Variants in SLCO1B3 observed in about 807,000 individuals in gnomAD.
The protein encoded by SLCO1B3 is liver-specific organic anion transporter 2.
Under a neutral mutation model 71.8 loss-of-function variants are expected in SLCO1B3, and 72 were observed. The ratio of observed to expected loss-of-function variants is 1.00; its 90% confidence interval spans 0.83 to 1.22. The LOEUF is 1.22. Among genes scored for constraint, SLCO1B3 ranks in the 50% most tolerant of loss-of-function variants. The probability of loss-of-function intolerance (pLI) is 0.00; values close to 1 mark genes in which losing one functional copy is unlikely to be tolerated. For synonymous variants in SLCO1B3, 298 were observed against 278.4 expected, an observed-to-expected ratio of 1.07 and a Z score of -0.70; for missense variants, 911 against 819.7, an observed-to-expected ratio of 1.11 and a Z score of -1.36.
intron 3 of SLCO1B3, among the ~76,000 whole-genome samples, chr12:20,816,455 T>A (rs1864195824): frequency 6.6e-6 from 1 of 152,182 alleles, no homozygotes; most frequent in Admixed American, 6.5e-5. Context: ...GAACATGCAA[T>A]GTTTGTCTTT....
chr12:20,847,456 T>C (rs1864941169), intron 3 of SLCO1B3, among the ~76,000 whole-genome samples: 1 of 152,156 alleles, frequency 6.6e-6, no homozygotes, highest in African/African-American at 2.4e-5. Context: ...AGAAGCTAGC[T>C]GTCTTCAACC....
At chr12:20,907,818 C>T (rs1017537661) in intron 15 of SLCO1B3, among the ~76,000 whole-genome samples, 21 of 152,026 alleles carry the variant, frequency 1.4e-4, no homozygotes, top group African/African-American at 4.6e-4. Context: ...TGGGAGATTT[C>T]ATTTCTATTT....
chr12:20,897,077 G>T (rs1866024087), intron 13 of SLCO1B3, among the ~76,000 whole-genome samples: 1 of 152,166 alleles, frequency 6.6e-6, no homozygotes, highest in Non-Finnish European at 1.5e-5. Context: ...GGTATTATGT[G>T]AGTAAAATTC....
intron 3 of SLCO1B3, among the ~76,000 whole-genome samples, chr12:20,816,901 G>A (rs555758769): frequency 4.7e-4 from 72 of 152,198 alleles, no homozygotes; most frequent in African/African-American, 1.7e-3. Context: ...TTTAACTGGG[G>A]GTGAGATAGC....
In SLCO1B3 at chr12:20,916,011, T is replaced by G; in HGVS notation, c.1873T>G (p.Tyr625Asp). The G allele has an allele frequency of 6.2e-7, 1 of 1,600,514 alleles. No individual in the cohort carries two copies. Among genetic ancestry groups the G allele is most frequent in the Non-Finnish European group, 8.5e-7 (1 of 1,170,552 alleles). ...TATTTTCTCTTTTCACAGAAGGGTC[T>G]ACTTGGGCTTATCTATAGCTTTAAG... ...IYNSVFFGRV[Y>D]LGLSIALRFP... The change falls in exon 16 of 16, where the codon TAC (tyrosine) becomes GAC (aspartate). Residue 625 changes from tyrosine (Y) to aspartate (D), a missense_variant. Coordinates refer to ENST00000381545, the MANE Select transcript of SLCO1B3 (RefSeq NM_019844.4).
intron 13 of SLCO1B3, among the ~76,000 whole-genome samples, chr12:20,897,854 TGTAAGA>T (rs1866046025): frequency 6.6e-6 from 1 of 152,136 alleles, no homozygotes; most frequent in Admixed American, 6.5e-5. Flanking sequence ...ATTGTAGAAA[TGTAAGA>T]GTGAGTGAAT....
intron 11 of SLCO1B3, 104 bp from the exon 12 acceptor site, chr12:20,880,751 C>T (rs1189983298): frequency 4.8e-6 from 3 of 626,190 alleles, no homozygotes; most frequent in African/African-American, 3.8e-5. Context: ...TCTTCTCTTC[C>T]TCCTCCTCTA....
intron 5 of SLCO1B3, among the ~76,000 whole-genome samples, chr12:20,860,626 T>TGTGTGTGTGTGTGTAC (rs1162855418): frequency 2.0e-5 from 3 of 151,950 alleles, no homozygotes; most frequent in South Asian, 2.1e-4. Flanking sequence ...TGTGTGTGTG[T>TGTGTGTGTGTGTGTAC]GTGTGTGTGT....
chr12:20,858,474 G>A lies in SLCO1B3; in HGVS notation c.262G>A (p.Gly88Arg), dbSNP rs776089217. ...LLVIVFVSYF[G>R]SKLHRPKLIG... ...TGTGATTGTATTTGTAAGTTACTTT[G>A]GATCTAAACTACACAGACCGAAGTT... Residue 88 changes from glycine to arginine, a missense_variant, in exon 5 of 16, where the codon GGA becomes AGA. Gly to Arg is a moderately radical substitution (Grantham distance 125). Coordinates refer to ENST00000381545, the MANE Select transcript of SLCO1B3 (RefSeq NM_019844.4). The A allele has an allele frequency of 6.3e-7, 1 of 1,592,750 alleles. No individual in the cohort carries two copies. Among genetic ancestry groups the A allele is most frequent in the Non-Finnish European group, 8.6e-7 (1 of 1,161,358 alleles).
chr12:20,911,220 C>G (rs1203145943), intron 15 of SLCO1B3, among the ~76,000 whole-genome samples: 4 of 151,778 alleles, frequency 2.6e-5, no homozygotes, highest in Non-Finnish European at 5.9e-5. Flanking sequence ...TGATTTTTTT[C>G]TTCTTTAGCA....
intron 13 of SLCO1B3, 94 bp downstream of exon 13, chr12:20,883,696 A>G: frequency 1.3e-6 from 1 of 774,072 alleles, no homozygotes; most frequent in Non-Finnish European, 2.0e-6. Flanking sequence ...TCAAATTCAT[A>G]TTTTGTCAAT....
Position 20,849,837 on chromosome 12 carries a change from G to A in SLCO1B3, c.85-5191G>A, listed in dbSNP as rs549679514. 3.3e-5 allele frequency among the ~76,000 whole-genome samples: 5 copies of A among 150,480 alleles called. 1 individual carries two copies. Among genetic ancestry groups the A allele is most frequent in the African/African-American group, 9.8e-5 (4 of 40,890 alleles). On this transcript the variant is annotated intron_variant, in intron 3 of 15. Coordinates refer to ENST00000381545, the MANE Select transcript of SLCO1B3 (RefSeq NM_019844.4). ...TCATAGCATCTCAAAAATATATATA[G>A]GAACAAATTTAAACAAAAAGGTTAA...
intron 3 of SLCO1B3, among the ~76,000 whole-genome samples, chr12:20,842,109 T>A (rs1442743762): frequency 6.6e-6 from 1 of 152,088 alleles, no homozygotes; most frequent in Non-Finnish European, 1.5e-5. Flanking sequence ...TTGGTCAGGC[T>A]GGTCTTGAAC....
intron 3 of SLCO1B3, among the ~76,000 whole-genome samples, chr12:20,843,435 G>A (rs1365155645): frequency 6.6e-6 from 1 of 152,078 alleles, no homozygotes; most frequent in Non-Finnish European, 1.5e-5. Flanking sequence ...ATAGTTGAAT[G>A]ACTACATGGC....
intron 3 of SLCO1B3, among the ~76,000 whole-genome samples, chr12:20,834,055 C>T (rs1864614574): frequency 9.3e-6 from 1 of 107,218 alleles, no homozygotes; most frequent in Non-Finnish European, 2.1e-5. Flanking sequence ...TATATGTGTG[C>T]ATATATAAAA....
chr12:20,862,407 G>C lies in SLCO1B3; in HGVS notation c.482-5G>C. 6.9e-6 allele frequency: 11 copies of C among 1,604,912 alleles called. No individual in the cohort carries two copies. The highest frequency in any genetic ancestry group is 9.3e-6 in the Non-Finnish European group (11 of 1,176,964). ...TTAAAGTAAAACACTCTCTTGTCTC[G>C]ATAGATTGTGTAAAGGAATCTGGGT... On this transcript the variant is annotated splice_region_variant and splice_polypyrimidine_tract_variant and intron_variant, in intron 6 of 15. Transcript: ENST00000381545.
chr12:20,815,857 G>T, intron 3 of SLCO1B3, 35 bp downstream of exon 3: 1 of 1,393,706 alleles, frequency 7.2e-7, no homozygotes, highest in Non-Finnish European at 9.9e-7. Context: ...ACTAAAATAA[G>T]TTAATGGAAA....
chr12:20,875,396 C>T lies in SLCO1B3; in HGVS notation c.889C>T (p.His297Tyr). The change falls in exon 9 of 16, where the codon CAT becomes TAT. Residue 297 changes from histidine (H) to tyrosine (Y), a missense_variant. By Grantham distance (83) the His-to-Tyr change is moderately conservative. Coordinates refer to ENST00000381545, the MANE Select transcript of SLCO1B3 (RefSeq NM_019844.4). ...QKERKISLSL[H>Y]VLKTNDDRNQ... ...AGAAAGAAAAATTTCACTATCATTG[C>T]ATGTGCTGAAAACAAATGATGATAG... 1 of 1,610,480 alleles carries T rather than the reference C, an allele frequency of 6.2e-7. No individual in the cohort carries two copies. The highest frequency in any genetic ancestry group is 8.5e-7 in the Non-Finnish European group (1 of 1,178,650).
chr12:20,852,594 CATTT>C (rs1326429130), intron 3 of SLCO1B3, among the ~76,000 whole-genome samples: 2 of 152,052 alleles, frequency 1.3e-5, no homozygotes, highest in Non-Finnish European at 2.9e-5. Flanking sequence ...GAATGTTTCC[CATTT>C]ATTTGTGTTT....
Sources: gnomAD v4.1 joint callset for allele counts (sites outside exome capture counted in the v4.1 genomes callset) on GRCh38, gnomAD v4.1.1 for gene constraint, MANE v1.5 for transcripts, NCBI Gene and HGNC (gene_info 2026-07-23, HGNC 2026-07-21) for gene names.